PRKN: variants seen among roughly 807,000 people sequenced by gnomAD.
PRKN encodes parkin RBR E3 ubiquitin protein ligase.
In PRKN, 56 loss-of-function variants were observed where a neutral mutation model predicts 59.5. That is an observed-to-expected ratio of 0.94 (90% CI 0.76 to 1.18). PRKN has a LOEUF of 1.18. PRKN is among the 50% of genes most tolerant of loss of function. The pLI, the probability that PRKN is intolerant of heterozygous loss-of-function variation, is 0.00. For synonymous variants in PRKN, 250 were observed against 222.1 expected, an observed-to-expected ratio of 1.13 and a Z score of -1.12; for missense variants, 657 against 596.4, an observed-to-expected ratio of 1.10 and a Z score of -1.06.
intron 4 of PRKN, among the ~76,000 whole-genome samples, chr6:162,066,538 T>A (rs1778346124): frequency 6.6e-6 from 1 of 152,164 alleles, no homozygotes. Context: ...TCCACCTGCA[T>A]GAATGGATCA....
chr6:161,746,489 C>T (rs1012636542), intron 7 of PRKN, among the ~76,000 whole-genome samples: 6 of 150,406 alleles, frequency 4.0e-5, no homozygotes, highest in African/African-American at 1.2e-4. Flanking sequence ...TCAACAAGAA[C>T]GGAGAAAAAT....
At chr6:162,088,048 C>T (rs973053072) in intron 4 of PRKN, among the ~76,000 whole-genome samples, 1 of 152,126 alleles carries the variant, frequency 6.6e-6, no homozygotes, top group Middle Eastern at 3.2e-3. Context: ...GCAAGGGATG[C>T]AATCCAGTAC....
At chr6:161,607,969 T>C (rs1782344558) in intron 7 of PRKN, among the ~76,000 whole-genome samples, 1 of 152,134 alleles carries the variant, frequency 6.6e-6, no homozygotes, top group Non-Finnish European at 1.5e-5. Flanking sequence ...CCTTCAACAT[T>C]CTGAAAGAAA....
intron 4 of PRKN, among the ~76,000 whole-genome samples, chr6:162,073,604 A>G (rs528672092): frequency 6.6e-6 from 1 of 152,136 alleles, no homozygotes; most frequent in Non-Finnish European, 1.5e-5. Context: ...GACGTGCATC[A>G]CCACACCCGG....
chr6:162,051,571 G>A (rs909187896), intron 5 of PRKN, among the ~76,000 whole-genome samples: 4 of 152,152 alleles, frequency 2.6e-5, no homozygotes, highest in African/African-American at 7.2e-5. Flanking sequence ...AAAGGCTTCG[G>A]TCATGATGCA....
intron 5 of PRKN, among the ~76,000 whole-genome samples, chr6:162,029,477 T>C (rs1441597942): frequency 1.3e-5 from 2 of 152,090 alleles, no homozygotes; most frequent in Admixed American, 1.3e-4. Context: ...TGTGGGGAAA[T>C]GAAATGCGTA....
At chr6:161,972,732 A>C (rs1390080894) in intron 6 of PRKN, among the ~76,000 whole-genome samples, 1 of 152,246 alleles carries the variant, frequency 6.6e-6, no homozygotes, top group African/African-American at 2.4e-5. Context: ...GGTGTTCATA[A>C]ATTTTTTTTC....
At chr6:162,474,800 T>C (rs1178214754) in intron 1 of PRKN, among the ~76,000 whole-genome samples, 1 of 152,172 alleles carries the variant, frequency 6.6e-6, no homozygotes, top group Non-Finnish European at 1.5e-5. Flanking sequence ...ATAAGGCTAC[T>C]GAAAATAGCC....
At chr6:162,422,353 T>G (rs1789013678) in intron 2 of PRKN, among the ~76,000 whole-genome samples, 1 of 152,186 alleles carries the variant, frequency 6.6e-6, no homozygotes, top group African/African-American at 2.4e-5. Flanking sequence ...GTAACATTGC[T>G]GTCAAGCCAG....
chr6:161,525,563 G>A lies in PRKN; in HGVS notation c.1083+23291C>T, dbSNP rs1778986577. Reference sequence around the variant, plus strand: ...AAGATCAGAGAAGGAAAAATGATCAGAAAGCAAAGAGAGGAAAAGTTTAGT... The same window carrying A: ...AAGATCAGAGAAGGAAAAATGATCAAAAAGCAAAGAGAGGAAAAGTTTAGT... On this transcript the variant is annotated intron_variant, in intron 9 of 11. Coordinates refer to ENST00000366898, the MANE Select transcript of PRKN (RefSeq NM_004562.3). The surrounding 1 kb of genome is among the most constrained non-coding windows in gnomAD (Gnocchi z 4.7). 6.6e-6 allele frequency among the ~76,000 whole-genome samples: 1 copy of A among 152,216 alleles called. No homozygotes were observed. Among genetic ancestry groups the A allele is most frequent in the Non-Finnish European group, 1.5e-5 (1 of 68,032 alleles).
At chr6:161,692,489 T>C (rs1785837557) in intron 7 of PRKN, among the ~76,000 whole-genome samples, 1 of 152,248 alleles carries the variant, frequency 6.6e-6, no homozygotes, top group Non-Finnish European at 1.5e-5. Flanking sequence ...AGTCTTTTTT[T>C]GTGAGCTTGC....
intron 1 of PRKN, among the ~76,000 whole-genome samples, chr6:162,722,654 T>C (rs2128240955): frequency 6.6e-6 from 1 of 152,356 alleles, no homozygotes; most frequent in East Asian, 1.9e-4. Context: ...ACTGCTTTCA[T>C]GAATATGAAG....
intron 1 of PRKN, among the ~76,000 whole-genome samples, chr6:162,494,211 T>C (rs1429324643): frequency 3.3e-5 from 5 of 152,216 alleles, no homozygotes; most frequent in African/African-American, 1.2e-4. Context: ...CCCTTCATTC[T>C]GCAGCTTACA....
intron 6 of PRKN, among the ~76,000 whole-genome samples, chr6:161,849,683 C>T (rs1472453894): frequency 6.6e-6 from 1 of 152,182 alleles, no homozygotes; most frequent in African/African-American, 2.4e-5. Context: ...CTTCAGTCGT[C>T]TGCTGTATTT....
At chr6:161,670,926 A>G (rs1427257907) in intron 7 of PRKN, among the ~76,000 whole-genome samples, 1 of 152,090 alleles carries the variant, frequency 6.6e-6, no homozygotes, top group Non-Finnish European at 1.5e-5. Flanking sequence ...TCTATTTCCA[A>G]ATAAAGGCAC....
intron 1 of PRKN, among the ~76,000 whole-genome samples, chr6:162,674,119 A>G (rs1779446496): frequency 6.6e-6 from 1 of 152,196 alleles, no homozygotes; most frequent in South Asian, 2.1e-4. Flanking sequence ...TATATTCATC[A>G]TTACAGCTTT....
intron 5 of PRKN, among the ~76,000 whole-genome samples, chr6:161,978,005 G>GTTATTTTATT (rs1460889583): frequency 6.7e-6 from 1 of 149,252 alleles, no homozygotes; most frequent in African/African-American, 2.5e-5. Flanking sequence ...CTAATTTGCA[G>GTTATTTTATT]TTATTTTATT....
intron 2 of PRKN, among the ~76,000 whole-genome samples, chr6:162,267,708 T>C (rs1367682992): frequency 6.6e-6 from 1 of 152,188 alleles, no homozygotes; most frequent in Non-Finnish European, 1.5e-5. Context: ...CAAGCACAGC[T>C]GATGACCCAT....
intron 1 of PRKN, among the ~76,000 whole-genome samples, chr6:162,677,007 G>A (rs1322373182): frequency 6.6e-6 from 1 of 150,740 alleles, no homozygotes; most frequent in Non-Finnish European, 1.5e-5. Context: ...GTAGCAGTGG[G>A]CAGAGACGGT....
Sources: gnomAD v4.1 joint callset for allele counts (sites outside exome capture counted in the v4.1 genomes callset) on GRCh38, gnomAD v4.1.1 for gene constraint, Gnocchi (gnomAD v3.1) non-coding constraint, MANE v1.5 for transcripts, NCBI Gene and HGNC (gene_info 2026-07-23, HGNC 2026-07-21) for gene names.